SLAMF9: variants seen among roughly 807,000 people sequenced by gnomAD.
SLAMF9 encodes SLAM family member 9.
In SLAMF9, 25 loss-of-function variants were observed where a neutral mutation model predicts 30.4. That is an observed-to-expected ratio of 0.82 (90% CI 0.60 to 1.15). The LOEUF is 1.15. Among genes scored for constraint, SLAMF9 ranks in the 50% most tolerant of loss-of-function variants. The pLI, the probability that SLAMF9 is intolerant of heterozygous loss-of-function variation, is 0.00. For missense variants in SLAMF9, 344 were observed against 346.1 expected (o/e 0.99, Z 0.05); for synonymous variants, 129 against 127.2 (o/e 1.01, Z -0.09).
chr1:159,951,983 C>A, intron 3 of SLAMF9, 117 bp from the exon 4 acceptor site: 2 of 834,672 alleles, frequency 2.4e-6, no homozygotes, highest in Non-Finnish European at 3.8e-6. Context: ...GTTGAAGTCC[C>A]CTTGCAAGTG....
chr1:159,973,760 C>T, the SLAMF9 span: 3 of 1,601,104 alleles, frequency 1.9e-6, no homozygotes, highest in East Asian at 2.2e-5. Context: ...CCCTGAGAGG[C>T]ACCTCCTGCC....
the SLAMF9 span, among the ~76,000 whole-genome samples, chr1:159,968,849 G>A: frequency 6.6e-5 from 10 of 152,116 alleles, no homozygotes; most frequent in African/African-American, 2.2e-4. Context: ...TCAGGAGTTC[G>A]AAACCAGCCT....
chr1:159,967,541 C>G, the SLAMF9 span, among the ~76,000 whole-genome samples: 1 of 152,140 alleles, frequency 6.6e-6, no homozygotes, highest in African/African-American at 2.4e-5. Context: ...CGTGTGATGC[C>G]TCCAGCTTTG....
At chr1:159,964,373 G>A in the SLAMF9 span, among the ~76,000 whole-genome samples, 3 of 152,058 alleles carry the variant, frequency 2.0e-5, no homozygotes, top group African/African-American at 2.4e-5. Context: ...GAGGGGCTCC[G>A]GGAGCTTTTA....
the SLAMF9 span, among the ~76,000 whole-genome samples, chr1:159,974,298 T>C: frequency 6.6e-6 from 1 of 152,192 alleles, no homozygotes. Flanking sequence ...CATCTGCCTC[T>C]ATCCTTTCCC....
At chr1:159,981,199 A>G in the SLAMF9 span, among the ~76,000 whole-genome samples, 3 of 152,238 alleles carry the variant, frequency 2.0e-5, no homozygotes, top group Middle Eastern at 3.4e-3. Context: ...GTGTCCTTAT[A>G]AGAAAAGGAA....
the SLAMF9 span, among the ~76,000 whole-genome samples, chr1:159,971,632 GA>G: frequency 6.6e-6 from 1 of 152,150 alleles, no homozygotes; most frequent in Admixed American, 6.5e-5. Flanking sequence ...TGAGACCAAG[GA>G]AGGTGCAGAG....
the SLAMF9 span, among the ~76,000 whole-genome samples, chr1:159,971,922 T>C: frequency 6.6e-6 from 1 of 152,024 alleles, no homozygotes; most frequent in Non-Finnish European, 1.5e-5. Flanking sequence ...ATTGTCCCCT[T>C]ACCCCCGCCA....
chr1:159,969,692 G>A, the SLAMF9 span, among the ~76,000 whole-genome samples: 2 of 152,166 alleles, frequency 1.3e-5, no homozygotes, highest in South Asian at 2.1e-4. Context: ...CCTGGACAGG[G>A]GAGAGGAATA....
At chr1:159,951,985 T>C in intron 3 of SLAMF9, 119 bp from the exon 4 acceptor site, 2 of 824,612 alleles carry the variant, frequency 2.4e-6, no homozygotes, top group South Asian at 1.7e-5. Flanking sequence ...TGAAGTCCCC[T>C]TGCAAGTGTC....
At chr1:159,955,018 C>A, upstream of SLAMF9, among the ~76,000 whole-genome samples, 1 of 146,718 alleles carries the variant, frequency 6.8e-6, no homozygotes, top group Non-Finnish European at 1.5e-5. Context: ...GTGGAGGTTG[C>A]AGAGAGCCAA....
chr1:159,954,114 A>C lies in SLAMF9; in HGVS notation c.24T>G (p.Leu8=), dbSNP rs145274502. The C allele has an allele frequency of 0.029, 46,193 of 1,613,998 alleles. 762 individuals are homozygous for C. The highest frequency in any genetic ancestry group is 0.032 in the Non-Finnish European group (37,435 of 1,179,964). The change falls in exon 1 of 4, where the codon CTT becomes CTG. Residue 8 remains leucine (L), a synonymous_variant. Transcript: ENST00000368093. MCAFPWL[L]LLLLLQEGSQ... ...CACCCTCCTGGAGCAGCAGGAGAAG[A>C]AGCAGCCAAGGAAAGGCACACATGT...
At chr1:159,954,433 T>C (rs971927930), upstream of SLAMF9, among the ~76,000 whole-genome samples, 2 of 152,130 alleles carry the variant, frequency 1.3e-5, no homozygotes, top group Non-Finnish European at 2.9e-5. Flanking sequence ...AATGAAGTCT[T>C]TCAAGACTTC....
Position 159,951,511 on chromosome 1 carries a change from CT to C in SLAMF9, c.*149del. 1.4e-6 allele frequency: 1 copy of C among 692,732 alleles called. No homozygotes were observed. Among genetic ancestry groups the C allele is most frequent in the Non-Finnish European group, 2.4e-6 (1 of 418,198 alleles). 42.9% of individuals were successfully genotyped at this position (692,732 alleles called of 1,614,324 possible). A position where few individuals can be genotyped will look rare whatever the true frequency, so the allele number is the denominator to read the frequency against. On this transcript the variant is annotated 3_prime_UTR_variant, in exon 4 of 4. Coordinates refer to ENST00000368093, the MANE Select transcript of SLAMF9 (RefSeq NM_033438.4). ...GCAGAGTTGTGGTCACTTAATTTGA[CT>C]TTATTGCCAGCCAGTCTTCCCTCAG...
chr1:159,963,975 G>A, the SLAMF9 span, among the ~76,000 whole-genome samples: 21 of 152,126 alleles, frequency 1.4e-4, no homozygotes, highest in Non-Finnish European at 2.5e-4. Context: ...CAGAAGAATC[G>A]CTTGAACCTG....
In SLAMF9 at chr1:159,953,309, G is replaced by T; in HGVS notation, c.391C>A (p.Arg131=). ...TMQQYNICVY[R]WLSEPQITVN... ...TTTATGGTTCCCAGCCTAAACTCAC[G>T]GTAGACACATATATTGTACTGCTGC... Residue 131 remains arginine, a splice_region_variant and synonymous_variant, in exon 2 of 4, where the codon CGA becomes AGA. Transcript: ENST00000368093. The T allele has an allele frequency of 6.3e-7, 1 of 1,594,396 alleles. No individual in the cohort carries two copies. The highest frequency in any genetic ancestry group is 8.6e-7 in the Non-Finnish European group (1 of 1,163,894).
chr1:159,973,295 G>C, the SLAMF9 span: 1 of 659,066 alleles, frequency 1.5e-6, no homozygotes, highest in South Asian at 2.0e-5. Flanking sequence ...GGGAGATGCA[G>C]GCCCAGGGCT....
the SLAMF9 span, chr1:159,976,880 T>TA: frequency 4.1e-3 from 480 of 116,666 alleles, 3 homozygotes; most frequent in African/African-American, 0.014. Context: ...CCCATCTCTC[T>TA]AAAAAAAAAG....
chr1:159,976,978 G>GAAAGA, the SLAMF9 span: 12 of 43,230 alleles, frequency 2.8e-4, no homozygotes, highest in African/African-American at 5.0e-4. Context: ...AAGAAGGAAA[G>GAAAGA]AAGGAAAGAA....
Sources: gnomAD v4.1 joint callset for allele counts (sites outside exome capture counted in the v4.1 genomes callset) on GRCh38, gnomAD v4.1.1 for gene constraint, MANE v1.5 for transcripts, NCBI Gene and HGNC (gene_info 2026-07-23, HGNC 2026-07-21) for gene names.